Variants in P2RY14 observed in about 807,000 individuals in gnomAD.
P2RY14 encodes the protein purinergic receptor P2Y14.
In P2RY14, 2 loss-of-function variants were observed where a neutral mutation model predicts 0.9. The ratio of observed to expected loss-of-function variants is 2.16; its 90% CI spans 0.88 to 6.79. The LOEUF (loss-of-function observed/expected upper bound fraction) is 6.79, where lower values mean the gene tolerates loss of function less well. Ranked by LOEUF, P2RY14 falls within the 30% of genes most tolerant of loss-of-function variation. The pLI, the probability that P2RY14 is intolerant of heterozygous loss-of-function variation, is 0.05. For missense variants in P2RY14, 378 were observed against 400.1 expected (o/e 0.94, Z 0.47); for synonymous variants, 158 against 147.2 (o/e 1.07, Z -0.53).
intron 1 of P2RY14, among the ~76,000 whole-genome samples, chr3:151,277,225 G>T (rs200302351): frequency 5.3e-5 from 8 of 150,960 alleles, no homozygotes; most frequent in Non-Finnish European, 1.0e-4. Flanking sequence ...TTTTTTTCCA[G>T]ACATGACAAT....
rs146810681 is a variant in P2RY14 at position 151,256,778 on chromosome 3, C to T, written c.-133+21509G>A. ...ATACAAGCAGAGCATTTTGTTAATA[C>T]TTTGTTAGTTCAGCTGACTGGTTAT... On this transcript the variant is annotated intron_variant, in intron 1 of 2. Transcript: ENST00000309170. 5.4e-3 allele frequency among the ~76,000 whole-genome samples: 768 copies of T among 142,028 alleles called. 12 individuals are homozygous for T. The highest frequency in any genetic ancestry group is 0.019 in the African/African-American group (716 of 38,190). The allele number at this position is 142,028 out of a possible 152,430, so 93.2% of individuals were successfully genotyped here.
intron 1 of P2RY14, among the ~76,000 whole-genome samples, chr3:151,232,750 C>T (rs907268358): frequency 6.6e-6 from 1 of 152,038 alleles, no homozygotes; most frequent in Non-Finnish European, 1.5e-5. Flanking sequence ...AACTCATGGA[C>T]ACAAAGGGAA....
In P2RY14 at chr3:151,230,755, C is replaced by T. The variant is rs1008982153; in HGVS notation, c.-132-11113G>A. The stretch of plus-strand genomic sequence containing the variant: ...AAATCTGTATGTCTGTAAGTCATGA[C>T]ACCCCAATAGCTGTAAACTTGCTCA... On this transcript the variant is annotated intron_variant, in intron 1 of 2. Transcript: ENST00000309170. Among the ~76,000 whole-genome samples the T allele has an allele frequency of 1.6e-4, 24 of 152,270 alleles. 1 individual carries two copies. The highest frequency in any genetic ancestry group is 5.8e-4 in the African/African-American group (24 of 41,560).
chr3:151,242,769 T>C (rs2149391425), intron 1 of P2RY14, among the ~76,000 whole-genome samples: 1 of 152,272 alleles, frequency 6.6e-6, no homozygotes, highest in Admixed American at 6.5e-5. Context: ...GGATGGAGAA[T>C]GACTTTGACG....
chr3:151,214,150 A>G lies in P2RY14; in HGVS notation c.167T>C (p.Phe56Ser), dbSNP rs773712406. The change falls in exon 3 of 3, where the codon TTC becomes TCC. Residue 56 changes from phenylalanine (F) to serine (S), a missense_variant. Coordinates refer to ENST00000309170, the MANE Select transcript of P2RY14 (RefSeq NM_014879.4). ...IFFYVPSSKS[F>S]IIYLKNIVIA... The stretch of plus-strand genomic sequence containing the variant: ...AACAATGTTCTTGAGATAGATGATG[A>G]AACTCTTAGAGCTGGGCACGTAAAA... 2.5e-6 allele frequency: 4 copies of G among 1,614,184 alleles called. No individual in the cohort carries two copies. In the South Asian group the frequency reaches 3.3e-5, roughly 13 times the overall value.
chr3:151,264,509 G>A (rs775823602), intron 1 of P2RY14, among the ~76,000 whole-genome samples: 1 of 152,196 alleles, frequency 6.6e-6, no homozygotes, highest in Admixed American at 6.5e-5. Context: ...TGTGTAAAGC[G>A]CACATCTCTA....
intron 1 of P2RY14, among the ~76,000 whole-genome samples, chr3:151,237,759 A>T (rs1296544493): frequency 6.6e-6 from 1 of 152,022 alleles, no homozygotes; most frequent in African/African-American, 2.4e-5. Flanking sequence ...CAGATTAAAA[A>T]TTTTTTTCTT....
rs767759226 is a variant in P2RY14, at chr3:151,213,795, T to C, written c.522A>G (p.Glu174=). The C allele has an allele frequency of 6.8e-6, 11 of 1,614,038 alleles. No homozygotes were observed. Among genetic ancestry groups the C allele is most frequent in the Non-Finnish European group, 9.3e-6 (11 of 1,180,034 alleles). Residue 174 remains glutamate, a synonymous_variant, in exon 3 of 3, where the codon GAA becomes GAG. Transcript: ENST00000309170. ...VREVTQIKCI[E]LKSELGRKWH... ...ACTTCCGTCCCAGTTCACTTTTCAG[T>C]TCTATACATTTTATTTGTGTAACCT...
chr3:151,247,761 TA>T (rs71138490), intron 1 of P2RY14, among the ~76,000 whole-genome samples: 42,465 of 143,968 alleles, frequency 0.29, 6,180 homozygotes, highest in Non-Finnish European at 0.31. Context: ...TAATGTATAA[TA>T]AAAAAAAAAA....
At chr3:151,243,815 GACTGGCAA>G (rs1328076263) in intron 1 of P2RY14, among the ~76,000 whole-genome samples, 24 of 151,376 alleles carry the variant, frequency 1.6e-4, no homozygotes, top group African/African-American at 5.4e-4. Context: ...AAACGACACA[GACTGGCAA>G]ATTGGATAAA....
intron 1 of P2RY14, chr3:151,269,969 C>G (rs1740567657): frequency 2.8e-6 from 1 of 361,972 alleles, no homozygotes; most frequent in African/African-American, 2.2e-5. Context: ...AAATCCATTA[C>G]AGTACTACTT....
intron 2 of P2RY14, 33 bp from the exon 3 acceptor site, chr3:151,214,373 G>A (rs1436176926): frequency 1.4e-6 from 2 of 1,391,908 alleles, no homozygotes; most frequent in South Asian, 1.3e-5. Flanking sequence ...CACTCATAGG[G>A]CACTTATGGC....
chr3:151,228,017 G>A (rs1577037267), intron 1 of P2RY14, among the ~76,000 whole-genome samples: 1 of 152,326 alleles, frequency 6.6e-6, no homozygotes, highest in Non-Finnish European at 1.5e-5. Context: ...TGTTTCAGAT[G>A]ATTTTGATAC....
At chr3:151,276,792 ATAC>A (rs1741938081) in intron 1 of P2RY14, among the ~76,000 whole-genome samples, 1 of 152,158 alleles carries the variant, frequency 6.6e-6, no homozygotes, top group Non-Finnish European at 1.5e-5. Context: ...GGGCACCGTA[ATAC>A]TTCAGGAAAT....
At chr3:151,236,774 A>G (rs1225252031) in intron 1 of P2RY14, among the ~76,000 whole-genome samples, 1 of 152,208 alleles carries the variant, frequency 6.6e-6, no homozygotes, top group Non-Finnish European at 1.5e-5. Context: ...TTGATTTCAT[A>G]TATATCGTAC....
chr3:151,218,881 A>C, intron 2 of P2RY14, among the ~76,000 whole-genome samples: 1 of 96,058 alleles, frequency 1.0e-5, no homozygotes, highest in Non-Finnish European at 2.1e-5. Context: ...AAAAAAAAAA[A>C]AAAAAAAAAA....
chr3:151,259,720 T>A (rs1738505296), intron 1 of P2RY14, among the ~76,000 whole-genome samples: 1 of 152,260 alleles, frequency 6.6e-6, no homozygotes, highest in East Asian at 1.9e-4. Context: ...GTATAAATAC[T>A]CTGTGTTAAT....
chr3:151,239,366 A>G (rs376310390), intron 1 of P2RY14, among the ~76,000 whole-genome samples: 11 of 152,378 alleles, frequency 7.2e-5, no homozygotes, highest in East Asian at 1.9e-4. Context: ...AAGAAAATCC[A>G]GAAGGCCATT....
intron 1 of P2RY14, among the ~76,000 whole-genome samples, chr3:151,262,766 C>T (rs933172239): frequency 6.7e-6 from 1 of 148,152 alleles, no homozygotes; most frequent in Admixed American, 6.8e-5. Context: ...CTAAGACTTA[C>T]TGAGTTTTTA....
Sources: allele counts gnomAD v4.1 joint callset (sites outside exome capture counted in the v4.1 genomes callset), GRCh38; gene constraint gnomAD v4.1.1; transcripts MANE v1.5; gene names NCBI Gene and HGNC (gene_info 2026-07-23, HGNC 2026-07-21).